Variants in DNAH9 observed in about 807,000 individuals in gnomAD.
The protein encoded by DNAH9 is DNAH9 variant protein.
A neutral mutation model predicts 471.6 loss-of-function variants in DNAH9; 345 were observed. The ratio of observed to expected loss-of-function variants is 0.73; its 90% CI spans 0.67 to 0.80. The LOEUF (loss-of-function observed/expected upper bound fraction) is 0.80. DNAH9 is among the 30% of genes least tolerant of loss of function. The pLI is 0.00. For missense variants in DNAH9, 5,407 were observed against 5,609.2 expected (o/e 0.96, Z 1.15); for synonymous variants, 2,093 against 2,123.6 (o/e 0.99, Z 0.40).
intron 52 of DNAH9, 105 bp downstream of exon 52, chr17:11,871,891 C>T: frequency 8.4e-7 from 1 of 1,189,326 alleles, no homozygotes; most frequent in Non-Finnish European, 1.2e-6. Flanking sequence ...GCACACTCAT[C>T]CCCACCACCC....
chr17:11,860,841 G>A (rs1297734681), intron 50 of DNAH9, among the ~76,000 whole-genome samples: 1 of 152,148 alleles, frequency 6.6e-6, no homozygotes, highest in Non-Finnish European at 1.5e-5. Flanking sequence ...GATTACAGGG[G>A]TGAGCCACTG....
intron 43 of DNAH9, among the ~76,000 whole-genome samples, chr17:11,801,461 G>A (rs1307150140): frequency 2.0e-5 from 3 of 152,108 alleles, no homozygotes; most frequent in African/African-American, 4.8e-5. Flanking sequence ...AGGCCGATGC[G>A]GGTGGATCAC....
chr17:11,778,394 GCC>G (rs1371317625), intron 38 of DNAH9, among the ~76,000 whole-genome samples: 5 of 150,148 alleles, frequency 3.3e-5, no homozygotes, highest in African/African-American at 1.2e-4. Flanking sequence ...GAAACGGGGT[GCC>G]TGGAGCAGAG....
At chr17:11,667,367 G>T (rs2073890705) in intron 15 of DNAH9, among the ~76,000 whole-genome samples, 1 of 152,046 alleles carries the variant, frequency 6.6e-6, no homozygotes, top group South Asian at 2.1e-4. Flanking sequence ...TGGTAAACTT[G>T]TGTTCCCTTA....
intron 12 of DNAH9, among the ~76,000 whole-genome samples, chr17:11,648,769 A>C (rs1039247909): frequency 7.9e-5 from 12 of 152,172 alleles, no homozygotes; most frequent in Middle Eastern, 3.2e-3. Context: ...TTAACAAGTC[A>C]AAGAAGAACA....
chr17:11,864,846 C>T (rs919132067), intron 50 of DNAH9, among the ~76,000 whole-genome samples: 7 of 151,324 alleles, frequency 4.6e-5, no homozygotes, highest in African/African-American at 1.5e-4. Context: ...GATTACAACC[C>T]CTGCCTTTTT....
rs550310950 is a variant in DNAH9 at position 11,931,935 on chromosome 17, C to G, written c.12106-79C>G. 2.5e-5 allele frequency: 38 copies of G among 1,508,132 alleles called. No individual in the cohort carries two copies. In the East Asian group the frequency reaches 3.6e-4, roughly 14 times the overall value. 93.4% of individuals were successfully genotyped at this position (1,508,132 alleles called of 1,614,324 possible). ...TATGGTAATGTTTTCCAACACGAAC[C>G]CTGATTGTAACCTCACCCTAGCCAG... On this transcript the variant is annotated intron_variant, in intron 63 of 68. Transcript: ENST00000262442.
At chr17:11,739,881 G>T (rs1429676763) in intron 29 of DNAH9, among the ~76,000 whole-genome samples, 1 of 152,130 alleles carries the variant, frequency 6.6e-6, no homozygotes, top group Non-Finnish European at 1.5e-5. Flanking sequence ...ATAGACTGTG[G>T]GGTGCTATGA....
intron 60 of DNAH9, among the ~76,000 whole-genome samples, chr17:11,904,552 C>T (rs954147470): frequency 6.9e-6 from 1 of 145,348 alleles, no homozygotes; most frequent in Non-Finnish European, 1.5e-5. Flanking sequence ...CCACTTGAAC[C>T]TGGTGGAGGC....
intron 17 of DNAH9, among the ~76,000 whole-genome samples, chr17:11,674,672 TAAAC>T (rs2074023033): frequency 6.6e-6 from 1 of 152,210 alleles, no homozygotes; most frequent in African/African-American, 2.4e-5. Flanking sequence ...TGTATTCTGA[TAAAC>T]AAATTCTTAA....
chr17:11,641,388 CTG>C (rs921385793), intron 10 of DNAH9, among the ~76,000 whole-genome samples: 46 of 152,168 alleles, frequency 3.0e-4, no homozygotes, highest in African/African-American at 8.2e-4. Context: ...TTCTCAAACT[CTG>C]TGCAGAACTA....
intron 50 of DNAH9, among the ~76,000 whole-genome samples, chr17:11,856,353 C>A (rs995013891): frequency 1.3e-5 from 2 of 151,958 alleles, no homozygotes; most frequent in African/African-American, 4.8e-5. Flanking sequence ...AGATTAAAAT[C>A]TATGGAAAAA....
intron 44 of DNAH9, among the ~76,000 whole-genome samples, chr17:11,808,661 T>C (rs1301791377): frequency 1.3e-5 from 2 of 152,158 alleles, no homozygotes; most frequent in African/African-American, 4.8e-5. Flanking sequence ...TCTTTAGTGC[T>C]TCCAAAAAAG....
At chr17:11,795,291 A>G (rs1487172875) in intron 42 of DNAH9, among the ~76,000 whole-genome samples, 1 of 152,130 alleles carries the variant, frequency 6.6e-6, no homozygotes, top group Non-Finnish European at 1.5e-5. Flanking sequence ...CGTCGAAATT[A>G]CCCCACAGTT....
At position 11,756,611 on chromosome 17, in the gene DNAH9, C is replaced by G. The variant is rs1967399722; in HGVS notation, c.6782C>G (p.Thr2261Ser). ...AATGAGAGGATTCCTCTGAACCCCA[C>G]CATGAAGCTCCTCTTTGAGATCAGC... ...ASNERIPLNP[T>S]MKLLFEISHL... The change falls in exon 34 of 69, where the codon ACC becomes AGC. Residue 2261 changes from threonine to serine, a missense_variant. Physicochemically the swap from Thr to Ser is moderately conservative, Grantham distance 58. This residue lies in a region of DNAH9 where 4,636 missense variants were observed against 4,900.3 expected (regional missense o/e 0.95). Transcript: ENST00000262442. 1 of 1,613,790 alleles carries G rather than the reference C, an allele frequency of 6.2e-7. No individual in the cohort carries two copies. Among genetic ancestry groups the G allele is most frequent in the Non-Finnish European group, 8.5e-7 (1 of 1,179,802 alleles).
At position 11,815,112 on chromosome 17, in the gene DNAH9, C is replaced by A. The variant is rs549225570; in HGVS notation, c.8707+4743C>A. ...TTTAAACCAGGACCGGTTTGGTTCT[C>A]CAGCTGCAAAACAGAAACTCCCAAA... On this transcript the variant is annotated intron_variant, in intron 45 of 68. Transcript: ENST00000262442. Among the ~76,000 whole-genome samples, 11 of 152,084 alleles carry A rather than the reference C, an allele frequency of 7.2e-5. No homozygotes were observed. In the East Asian group the frequency reaches 1.7e-3, roughly 24 times the overall value.
At chr17:11,790,046 G>C (rs370448520) in intron 41 of DNAH9, among the ~76,000 whole-genome samples, 1 of 151,838 alleles carries the variant, frequency 6.6e-6, no homozygotes, top group East Asian at 1.9e-4. Flanking sequence ...GTTGTCAGAA[G>C]ACACTCTATA....
chr17:11,614,051 C>T (rs2072691264), intron 4 of DNAH9, among the ~76,000 whole-genome samples: 2 of 152,034 alleles, frequency 1.3e-5, no homozygotes. Context: ...GCCAGATAAA[C>T]ACTACCATAA....
chr17:11,671,757 C>A (rs755074966), intron 17 of DNAH9, among the ~76,000 whole-genome samples: 4 of 152,206 alleles, frequency 2.6e-5, no homozygotes, highest in African/African-American at 4.8e-5. Context: ...ATCAAAAACA[C>A]ATGGTTGATA....
Sources: gnomAD v4.1 joint callset for allele counts (sites outside exome capture counted in the v4.1 genomes callset) on GRCh38, gnomAD v4.1.1 for gene constraint, gnomAD v4.1.1 regional missense constraint, MANE v1.5 for transcripts, NCBI Gene and HGNC (gene_info 2026-07-23, HGNC 2026-07-21) for gene names.